Variants in TRIOBP observed in about 807,000 individuals in gnomAD.
TRIOBP encodes TRIO and F-actin-binding protein.
A neutral mutation model predicts 238.8 loss-of-function variants in TRIOBP; 169 were observed. The ratio of observed to expected loss-of-function variants is 0.71; its 90% confidence interval spans 0.62 to 0.80. The LOEUF (loss-of-function observed/expected upper bound fraction) is 0.80. TRIOBP is among the 30% of genes least tolerant of loss of function. The pLI is 0.00. For synonymous variants in TRIOBP, 1,150 were observed against 1,274.4 expected, an observed-to-expected ratio of 0.90 and a Z score of 2.08; for missense variants, 2,838 against 3,122.6, an observed-to-expected ratio of 0.91 and a Z score of 2.17.
chr22:37,768,991 A>G, intron 19 of TRIOBP, 37 bp from the exon 20 acceptor site: 1 of 1,612,516 alleles, frequency 6.2e-7, no homozygotes, highest in Non-Finnish European at 8.5e-7. Flanking sequence ...CAGGAGCAAG[A>G]CAACCTATGC....
rs548624029 is a variant in TRIOBP, at chr22:37,751,906, G to C, written c.5379+78G>C. The C allele has an allele frequency of 5.8e-4, 841 of 1,461,450 alleles. 3 individuals carry two copies. The East Asian group carries it at 6.3e-3, about 11-fold the overall frequency. 90.5% of individuals were successfully genotyped at this position (1,461,450 alleles called of 1,614,324 possible). On this transcript the variant is annotated intron_variant, in intron 12 of 23. Coordinates refer to ENST00000644935, the MANE Select transcript of TRIOBP (RefSeq NM_001039141.3). ...CCCTGGGCAGCCCAGGAGTGGGGGT[G>C]GGGCTGGGGCTGGTGTGAGAACCCT...
intron 7 of TRIOBP, 180 bp downstream of exon 7, chr22:37,726,683 T>C: frequency 1.5e-6 from 1 of 660,018 alleles, no homozygotes; most frequent in Non-Finnish European, 2.4e-6. Context: ...GTTTTCTGTT[T>C]TGTGTGTGTG....
At position 37,769,033 on chromosome 22, in the gene TRIOBP, A is replaced by G; in HGVS notation, c.6581A>G (p.Asp2194Gly). ...PDGLRKQHQS[D>G]VEALKRELQV... ...CTGCTCCTCCTCTGGGGCAGGTCAG[A>G]TGTGGAGGCACTGAAGCGAGAGCTG... is the stretch of plus-strand genomic sequence containing the variant. The change falls in exon 20 of 24, where the codon GAT becomes GGT. Residue 2194 changes from aspartate to glycine, a missense_variant. Transcript: ENST00000644935. The G allele has an allele frequency of 2.5e-6, 4 of 1,613,380 alleles. No individual in the cohort carries two copies. Among genetic ancestry groups the G allele is most frequent in the Non-Finnish European group, 3.4e-6 (4 of 1,180,018 alleles).
At chr22:37,746,228 A>AAG (rs1555898835) in intron 11 of TRIOBP, 2 of 1,094,502 alleles carry the variant, frequency 1.8e-6, no homozygotes, top group African/African-American at 3.4e-5. Flanking sequence ...AAAAAAAAAA[A>AAG]AAAAGTTTTA....
Position 37,769,129 on chromosome 22 carries a change from G to C in TRIOBP, c.6677G>C (p.Arg2226Pro). 1 of 1,613,024 alleles carries C rather than the reference G, an allele frequency of 6.2e-7. No homozygotes were observed. The highest frequency in any genetic ancestry group is 8.5e-7 in the Non-Finnish European group (1 of 1,179,930). The change falls in exon 20 of 24, where the codon CGC (arginine) becomes CCC (proline). Residue 2226 changes from arginine to proline, a missense_variant. By Grantham distance (103) the Arg-to-Pro change is moderately radical. Coordinates refer to ENST00000644935, the MANE Select transcript of TRIOBP (RefSeq NM_001039141.3). ...GCACTCATGCGGCAGGCTGAGGAGC[G>C]CGAGCACACGCTGCGCCGCTGCCAG... Reference protein sequence around the residue: ...IGALMRQAEEREHTLRRCQQE... With the variant: ...IGALMRQAEEPEHTLRRCQQE...
chr22:37,741,904 T>A (rs952584542), intron 11 of TRIOBP, among the ~76,000 whole-genome samples: 2 of 152,182 alleles, frequency 1.3e-5, no homozygotes, highest in East Asian at 1.9e-4. Flanking sequence ...TCAGGATGCA[T>A]GGAGGTTGCG....
chr22:37,703,082 G>A (rs773459442), intron 3 of TRIOBP, among the ~76,000 whole-genome samples: 6 of 151,590 alleles, frequency 4.0e-5, no homozygotes, highest in African/African-American at 7.3e-5. Context: ...TGCAACCTCC[G>A]TCTCCTGGGT....
rs749846430 is a variant in TRIOBP at position 37,754,882 on chromosome 22, C to G, written c.5385C>G (p.Pro1795=). Residue 1795 remains proline (P), a synonymous_variant, in exon 13 of 24, where the codon CCC becomes CCG. Transcript: ENST00000644935. The part of the protein sequence containing the change: ...MSILDEPGEP[P]SPSLTTTSTS... ...TCATTCCATCCTCCTTGCAGCCTCCCTCCCCCTCGCTCACCACCACCTCTA... is the reference window on the plus strand; with the variant it reads ...TCATTCCATCCTCCTTGCAGCCTCCGTCCCCCTCGCTCACCACCACCTCTA... 6.2e-7 allele frequency: 1 copy of G among 1,614,158 alleles called. No individual in the cohort carries two copies. Among genetic ancestry groups the G allele is most frequent in the Non-Finnish European group, 8.5e-7 (1 of 1,180,016 alleles).
intron 14 of TRIOBP, 126 bp downstream of exon 14, chr22:37,755,316 C>A: frequency 9.3e-7 from 1 of 1,078,092 alleles, no homozygotes; most frequent in Non-Finnish European, 1.4e-6. Context: ...CCCAGAGGCC[C>A]TATCTTCAGA....
At position 37,751,892 on chromosome 22, in the gene TRIOBP, C is replaced by T. The variant is rs1184804820; in HGVS notation, c.5379+64C>T. On this transcript the variant is annotated intron_variant, in intron 12 of 23. Coordinates refer to ENST00000644935, the MANE Select transcript of TRIOBP (RefSeq NM_001039141.3). ...TGCTGCTGCTGGGCCCCTGGGCAGC[C>T]CAGGAGTGGGGGTGGGGCTGGGGCT... The T allele has an allele frequency of 3.2e-6, 5 of 1,577,002 alleles. No individual in the cohort carries two copies. The South Asian group carries it at 3.3e-5, about 11-fold the overall frequency.
rs1040002664 is a variant in TRIOBP, at chr22:37,776,145, C to T, written c.*2365C>T. The T allele has an allele frequency of 1.3e-5, 2 of 152,324 alleles. No homozygotes were observed. The highest frequency in any genetic ancestry group is 2.4e-5 in the African/African-American group (1 of 41,458). The allele number at this position is 152,324 out of a possible 1,614,324, so 9.4% of individuals were successfully genotyped here. A position where few individuals can be genotyped will look rare whatever the true frequency, so the allele number is the denominator to read the frequency against. ...GCAGGAACATCCTCTTCACCAACCC[C>T]CCTCCCATCCCTCCTCAGGGCTGCC... On this transcript the variant is annotated 3_prime_UTR_variant, in exon 24 of 24. Transcript: ENST00000644935.
chr22:37,724,642 C>A lies in TRIOBP; in HGVS notation c.2086C>A (p.Pro696Thr). The change falls in exon 7 of 24, where the codon CCC becomes ACC. Residue 696 changes from proline (P) to threonine (T), a missense_variant. Physicochemically the swap from Pro to Thr is conservative, Grantham distance 38. Coordinates refer to ENST00000644935, the MANE Select transcript of TRIOBP (RefSeq NM_001039141.3). ...SPSRTIQQEN[P>T]RTSCAQRDDP... is the part of the protein sequence containing the mutation. ...CAGCAGAACCATCCAACAAGAGAAC[C>A]CCAGAACATCCTGTGCCCAACGGGA... The A allele has an allele frequency of 3.7e-6, 6 of 1,610,966 alleles. No individual in the cohort carries two copies. The South Asian group carries it at 6.6e-5, about 18-fold the overall frequency.
At chr22:37,699,370 A>T (rs1922525297) in intron 2 of TRIOBP, among the ~76,000 whole-genome samples, 1 of 151,738 alleles carries the variant, frequency 6.6e-6, no homozygotes, top group Non-Finnish European at 1.5e-5. Context: ...CACCTCCGAG[A>T]GAGCAGGGAC....
chr22:37,739,163 A>G (rs1023100942), intron 10 of TRIOBP, among the ~76,000 whole-genome samples: 1 of 151,732 alleles, frequency 6.6e-6, no homozygotes, highest in Non-Finnish European at 1.5e-5. Context: ...GGCGGGAGAG[A>G]TATGTGCGGG....
At position 37,769,365 on chromosome 22, in the gene TRIOBP, G is replaced by T; in HGVS notation, c.6839G>T (p.Cys2280Phe). 2 of 1,604,944 alleles carry T rather than the reference G, an allele frequency of 1.2e-6. No homozygotes were observed. Among genetic ancestry groups the T allele is most frequent in the Non-Finnish European group, 1.7e-6 (2 of 1,177,342 alleles). ...GCGRSNERSS[C>F]ELEVLLRVKE... ...GGGCGCAGCAACGAGCGGAGTTCCT[G>T]CGAGCTAGAGGTGAGTGTCCTCACT... The change falls in exon 21 of 24, where the codon TGC (cysteine) becomes TTC (phenylalanine). Residue 2280 changes from cysteine (C) to phenylalanine (F), a missense_variant. Physicochemically the swap from Cys to Phe is radical, Grantham distance 205. Transcript: ENST00000644935.
intron 11 of TRIOBP, chr22:37,746,515 C>T (rs1285421248): frequency 4.3e-5 from 48 of 1,129,200 alleles, no homozygotes; most frequent in Non-Finnish European, 5.2e-5. Context: ...CAGCCCCCTC[C>T]TCATTTCCCG....
At chr22:37,707,766 A>AC (rs1923019575) in intron 3 of TRIOBP, among the ~76,000 whole-genome samples, 1 of 149,578 alleles carries the variant, frequency 6.7e-6, no homozygotes, top group Admixed American at 6.7e-5. Flanking sequence ...ACATGGTGAA[A>AC]CCCCGTCTCT....
intron 7 of TRIOBP, among the ~76,000 whole-genome samples, chr22:37,732,701 A>C (rs1469473685): frequency 6.6e-6 from 1 of 152,168 alleles, no homozygotes; most frequent in Non-Finnish European, 1.5e-5. Context: ...AAAGGAAAAG[A>C]AATCCAAAAT....
intron 17 of TRIOBP, among the ~76,000 whole-genome samples, chr22:37,764,585 C>T (rs570692425): frequency 3.9e-5 from 6 of 152,318 alleles, no homozygotes; most frequent in Middle Eastern, 3.4e-3. Context: ...TGTACACATA[C>T]GACTTTCTGT....
Sources: gnomAD v4.1 joint callset for allele counts (sites outside exome capture counted in the v4.1 genomes callset) on GRCh38, gnomAD v4.1.1 for gene constraint, MANE v1.5 for transcripts, NCBI Gene and HGNC (gene_info 2026-07-23, HGNC 2026-07-21) for gene names.